The following JUP variants were observed in gnomAD, a reference collection of about 807,000 sequenced individuals.
The protein encoded by JUP is catenin (cadherin-associated protein), gamma 80kDa.
A neutral mutation model predicts 71.1 loss-of-function variants in JUP; 28 were observed. That is an observed-to-expected ratio of 0.39 (90% CI 0.29 to 0.54). The LOEUF is 0.54. Among genes scored for constraint, JUP ranks in the 20% least tolerant of loss-of-function variants. The probability of loss-of-function intolerance (pLI) is 0.62; values close to 1 mark genes in which losing one functional copy is unlikely to be tolerated. For synonymous variants in JUP, 401 were observed against 438.9 expected (o/e 0.91, Z 1.08); for missense variants, 869 against 1,030.1 (o/e 0.84, Z 2.14).
chr17:41,760,619 T>C (rs1009392732), intron 8 of JUP, among the ~76,000 whole-genome samples: 3 of 151,140 alleles, frequency 2.0e-5, no homozygotes, highest in Non-Finnish European at 1.5e-5. Context: ...TGGAGTGCAA[T>C]GAGCGATCTC....
chr17:41,767,700 T>C, intron 4 of JUP, 120 bp from the exon 5 acceptor site: 1 of 761,510 alleles, frequency 1.3e-6, no homozygotes, highest in Non-Finnish European at 2.2e-6. Flanking sequence ...CCTCTGGAAA[T>C]ATCCCTTTGC....
At chr17:41,779,305 TTTCTC>T (rs2047047093) in intron 1 of JUP, among the ~76,000 whole-genome samples, 2 of 151,744 alleles carry the variant, frequency 1.3e-5, no homozygotes, top group Admixed American at 1.3e-4. Context: ...TTTTTTTTCT[TTTCTC>T]TTAAACTTTT....
At chr17:41,772,789 T>C in intron 1 of JUP, 1 of 949,974 alleles carries the variant, frequency 1.1e-6, no homozygotes, top group Non-Finnish European at 1.3e-6. Flanking sequence ...CAGGAACCCC[T>C]CTCTCTCTCT....
rs141295561 is a variant in JUP at position 41,755,804 on chromosome 17, G to A, written c.2178C>T (p.Ile726=). The part of the protein sequence containing the change: ...MHMDMDGDYP[I]DTYSDGLRPP... ...GCCTGAGGCCGTCGCTGTAGGTGTC[G>A]ATGGGGTAGTCTCCATCCATGTCCA... Residue 726 remains isoleucine (I), a synonymous_variant, in exon 14 of 14, where the codon ATC becomes ATT. Transcript: ENST00000393931. The A allele has an allele frequency of 3.3e-4, 525 of 1,613,130 alleles. No individual in the cohort carries two copies. The highest frequency in any genetic ancestry group is 4.3e-4 in the Non-Finnish European group (505 of 1,179,544).
At chr17:41,776,500 G>A (rs951495871) in intron 1 of JUP, among the ~76,000 whole-genome samples, 2 of 152,196 alleles carry the variant, frequency 1.3e-5, no homozygotes, top group African/African-American at 4.8e-5. Context: ...AGGGTCGTTT[G>A]AGCCCAGGAG....
Position 41,755,700 on chromosome 17 carries a change from G to A in JUP, c.*44C>T, listed in dbSNP as rs782533474. The A allele has an allele frequency of 3.3e-6, 5 of 1,513,418 alleles. No individual in the cohort carries two copies. In the East Asian group the frequency reaches 9.1e-5, roughly 28 times the overall value. 93.7% of individuals were successfully genotyped at this position (1,513,418 alleles called of 1,614,324 possible). A position where few individuals can be genotyped will look rare whatever the true frequency, so the allele number is the denominator to read the frequency against. On this transcript the variant is annotated 3_prime_UTR_variant, in exon 14 of 14. Transcript: ENST00000393931. ...TCCAACAGAAGGAGGTTCTAGAGAG[G>A]AGGAAAAGCCTGCAAAGAGGGGGCC...
chr17:41,764,946 T>C lies in JUP; in HGVS notation c.1031A>G (p.Asn344Ser). Reference sequence around the variant, plus strand: ...ACCAGCCTCCACAATGGCAGGCTTATTGCTGGGACACACGGATAGCACCTT... The same window carrying C: ...ACCAGCCTCCACAATGGCAGGCTTACTGCTGGGACACACGGATAGCACCTT... ...VLKVLSVCPS[N>S]KPAIVEAGGM... is the part of the protein sequence containing the mutation. Residue 344 changes from asparagine (N) to serine (S), a missense_variant, in exon 6 of 14, where the codon AAT becomes AGT. Physicochemically the swap from Asn to Ser is conservative, Grantham distance 46 (BLOSUM62 1). Coordinates refer to ENST00000393931, the MANE Select transcript of JUP (RefSeq NM_002230.4). The C allele has an allele frequency of 1.1e-5, 17 of 1,614,170 alleles. No individual in the cohort carries two copies. Among genetic ancestry groups the C allele is most frequent in the Non-Finnish European group, 1.4e-5 (17 of 1,180,038 alleles).
At chr17:41,778,663 G>C (rs534339015) in intron 1 of JUP, among the ~76,000 whole-genome samples, 24 of 152,240 alleles carry the variant, frequency 1.6e-4, no homozygotes, top group South Asian at 1.0e-3. Flanking sequence ...TGTAATCCCA[G>C]CACTTTGGGA....
At chr17:41,770,380 C>A (rs1013904321) in intron 2 of JUP, among the ~76,000 whole-genome samples, 1 of 152,182 alleles carries the variant, frequency 6.6e-6, no homozygotes, top group East Asian at 1.9e-4. Context: ...AGCAGCCACA[C>A]CCTGGCAACT....
chr17:41,768,533 G>C (rs568632373), intron 4 of JUP, among the ~76,000 whole-genome samples: 1 of 151,958 alleles, frequency 6.6e-6, no homozygotes, highest in East Asian at 1.9e-4. Context: ...CTGCACTCCA[G>C]CTTGGGTGAC....
In JUP at chr17:41,757,825, G is replaced by C. The variant is rs548929039; in HGVS notation, c.1774-41C>G. ...GTGGGAAGCAGGGGAGAGGTGGAAA[G>C]GGGTGAGGCAGGCCGGACAACACAC... On this transcript the variant is annotated intron_variant, in intron 10 of 13. Coordinates refer to ENST00000393931, the MANE Select transcript of JUP (RefSeq NM_002230.4). 92 of 1,561,594 alleles carry C rather than the reference G, an allele frequency of 5.9e-5. No individual in the cohort carries two copies. In the South Asian group the frequency reaches 1.1e-3, roughly 18 times the overall value.
chr17:41,769,593 C>G lies in JUP; in HGVS notation c.293G>C (p.Ser98Thr). The G allele has an allele frequency of 6.2e-7, 1 of 1,604,858 alleles. No individual in the cohort carries two copies. Among genetic ancestry groups the G allele is most frequent in the Non-Finnish European group, 8.5e-7 (1 of 1,176,610 alleles). The stretch of plus-strand genomic sequence containing the variant: ...CACCTGGGTGGCCAGCAGAAGCGAG[C>G]TGTCCTCGCCTGACACACCAGGGCA... ...AMCPGVSGEDSSLLLATQVEG... is the reference protein window; with the variant it reads ...AMCPGVSGEDTSLLLATQVEG... Residue 98 changes from serine to threonine, a missense_variant, in exon 3 of 14, where the codon AGC becomes ACC. By Grantham distance (58) the Ser-to-Thr change is moderately conservative. Coordinates refer to ENST00000393931, the MANE Select transcript of JUP (RefSeq NM_002230.4).
chr17:41,765,712 A>G (rs1915612533), intron 5 of JUP, among the ~76,000 whole-genome samples: 2 of 152,242 alleles, frequency 1.3e-5, no homozygotes, highest in African/African-American at 4.8e-5. Context: ...GATAATACCC[A>G]GTGCTGACAA....
chr17:41,757,394 G>C (rs782722161), intron 12 of JUP, 21 bp downstream of exon 12: 1 of 1,613,838 alleles, frequency 6.2e-7, no homozygotes, highest in African/African-American at 1.3e-5. Flanking sequence ...CAACTACTGT[G>C]GTCCAACCTA....
chr17:41,755,626 G>A lies in JUP; in HGVS notation c.*118C>T. 1 of 1,025,470 alleles carries A rather than the reference G, an allele frequency of 9.8e-7. No individual in the cohort carries two copies. Among genetic ancestry groups the A allele is most frequent in the Admixed American group, 2.8e-5 (1 of 36,022 alleles). 63.5% of individuals were successfully genotyped at this position (1,025,470 alleles called of 1,614,324 possible). ...TGCTTGGGGAAGCTCAGCAGCAAAG[G>A]ATCCCCCCAAAAAAGGAGCGCAGGT... On this transcript the variant is annotated 3_prime_UTR_variant, in exon 14 of 14. Transcript: ENST00000393931.
At chr17:41,779,079 A>T (rs1293849392) in intron 1 of JUP, among the ~76,000 whole-genome samples, 53 of 151,090 alleles carry the variant, frequency 3.5e-4, no homozygotes, top group Non-Finnish European at 1.5e-4. Context: ...TACTAAAAAT[A>T]CAAAAAACTA....
Position 41,765,039 on chromosome 17 carries a change from T to TG in JUP, c.937dup (p.Gln313ProfsTer9). The TG allele has an allele frequency of 6.2e-7, 1 of 1,614,032 alleles. No homozygotes were observed. Among genetic ancestry groups the TG allele is most frequent in the Non-Finnish European group, 8.5e-7 (1 of 1,179,968 alleles). ...GTTACGCATGATCTGCACGAGGGCCTGGGGCCCACCATTGGCCAGGATGAT... is the reference window on the plus strand; with the variant it reads ...GTTACGCATGATCTGCACGAGGGCCTGGGGGCCCACCATTGGCCAGGATGAT... On this transcript the variant is annotated frameshift_variant, in exon 6 of 14. Transcript: ENST00000393931. LOFTEE classifies it high-confidence loss of function.
rs936802623 is a variant in JUP at position 41,765,582 on chromosome 17, A to G, written c.910-515T>C. Among the ~76,000 whole-genome samples the G allele has an allele frequency of 9.6e-4, 138 of 143,796 alleles. 1 individual carries two copies. The highest frequency in any genetic ancestry group is 1.8e-3 in the Non-Finnish European group (119 of 65,336). 94.3% of individuals were successfully genotyped at this position (143,796 alleles called of 152,430 possible). A position where few individuals can be genotyped will look rare whatever the true frequency, so the allele number is the denominator to read the frequency against. ...TGGCCAGGCTGGTTTCAAACTCCTGACCTCAGGCAATTCACCCGCCTCTGC... is the reference window on the plus strand; with the variant it reads ...TGGCCAGGCTGGTTTCAAACTCCTGGCCTCAGGCAATTCACCCGCCTCTGC... On this transcript the variant is annotated intron_variant, in intron 5 of 13. Transcript: ENST00000393931.
At chr17:41,762,942 C>G in intron 8 of JUP, 41 bp downstream of exon 8, 1 of 1,579,436 alleles carries the variant, frequency 6.3e-7, no homozygotes, top group Non-Finnish European at 8.7e-7. Context: ...AGCACCTAAG[C>G]CTGCTGCAGG....
Sources: gnomAD v4.1 joint callset for allele counts (sites outside exome capture counted in the v4.1 genomes callset) on GRCh38, gnomAD v4.1.1 for gene constraint, MANE v1.5 for transcripts, NCBI Gene and HGNC (gene_info 2026-07-23, HGNC 2026-07-21) for gene names.